Variants in SGCZ observed in about 807,000 individuals in gnomAD.
The protein encoded by SGCZ is sarcoglycan zeta, also known as zeta-sarcoglycan.
Under a neutral mutation model 41.3 loss-of-function variants are expected in SGCZ, and 40 were observed. The ratio of observed to expected loss-of-function variants is 0.97; its 90% confidence interval spans 0.75 to 1.26. The LOEUF (loss-of-function observed/expected upper bound fraction) is 1.26. Ranked by LOEUF, SGCZ falls within the 50% of genes most tolerant of loss-of-function variation. SGCZ has a pLI of 0.00. For missense variants in SGCZ, 552 were observed against 369.8 expected, an observed-to-expected ratio of 1.49 and a Z score of -4.04; for synonymous variants, 206 against 137.5, an observed-to-expected ratio of 1.50 and a Z score of -3.49.
At chr8:15,216,223 C>CTTTTTTTTT (rs34383864) in intron 1 of SGCZ, among the ~76,000 whole-genome samples, 1 of 125,940 alleles carries the variant, frequency 7.9e-6, no homozygotes, top group East Asian at 2.3e-4. Flanking sequence ...CTTTTTTTTT[C>CTTTTTTTTT]TTTTTTTTTT....
At chr8:15,009,021 G>A (rs1485989143) in intron 1 of SGCZ, among the ~76,000 whole-genome samples, 1 of 152,082 alleles carries the variant, frequency 6.6e-6, no homozygotes, top group Non-Finnish European at 1.5e-5. Flanking sequence ...CCTGGCCCAA[G>A]CTATACAATT....
intron 1 of SGCZ, among the ~76,000 whole-genome samples, chr8:15,120,734 T>A (rs888505988): frequency 3.3e-5 from 5 of 152,316 alleles, no homozygotes; most frequent in Middle Eastern, 3.4e-3. Context: ...ATTATCTCTT[T>A]TATTTCTACT....
intron 3 of SGCZ, among the ~76,000 whole-genome samples, chr8:14,265,271 C>T (rs556182062): frequency 2.0e-5 from 3 of 152,166 alleles, no homozygotes; most frequent in Non-Finnish European, 4.4e-5. Context: ...CCGAGAAATA[C>T]ATCAGTTTTA....
At chr8:14,686,216 G>T (rs1437674323) in intron 1 of SGCZ, among the ~76,000 whole-genome samples, 2 of 151,974 alleles carry the variant, frequency 1.3e-5, no homozygotes, top group Admixed American at 6.6e-5. Context: ...AAGTAATTTG[G>T]AATCTTGGCT....
At chr8:14,786,839 T>TAAAA (rs200134491) in intron 1 of SGCZ, among the ~76,000 whole-genome samples, 14 of 99,910 alleles carry the variant, frequency 1.4e-4, no homozygotes, top group African/African-American at 5.0e-4. Flanking sequence ...AAAGCAGGTT[T>TAAAA]AAAAAAAAAA....
intron 1 of SGCZ, among the ~76,000 whole-genome samples, chr8:14,768,083 C>G (rs949813421): frequency 2.6e-5 from 4 of 152,136 alleles, no homozygotes; most frequent in African/African-American, 9.7e-5. Context: ...GCATAGTGCA[C>G]TCTATTAAGC....
intron 1 of SGCZ, among the ~76,000 whole-genome samples, chr8:14,744,348 A>G (rs1369722179): frequency 6.6e-6 from 1 of 152,138 alleles, no homozygotes; most frequent in Non-Finnish European, 1.5e-5. Flanking sequence ...CAACAGGTCT[A>G]TAGGCCAGAA....
At chr8:15,134,837 C>CT (rs976089829) in intron 1 of SGCZ, among the ~76,000 whole-genome samples, 15 of 152,050 alleles carry the variant, frequency 9.9e-5, no homozygotes, top group African/African-American at 3.1e-4. Flanking sequence ...TATGAGTATG[C>CT]TTTTTTTTGA....
At chr8:14,624,965 A>T (rs1336315455) in intron 1 of SGCZ, among the ~76,000 whole-genome samples, 1 of 152,052 alleles carries the variant, frequency 6.6e-6, no homozygotes. Flanking sequence ...TCTTCCTTAG[A>T]TATGGTCATT....
Position 15,219,236 on chromosome 8 carries a change from G to A in SGCZ, c.39+18349C>T, listed in dbSNP as rs143663635. Among the ~76,000 whole-genome samples the A allele has an allele frequency of 4.6e-3, 702 of 152,196 alleles. 2 individuals are homozygous for A. The highest frequency in any genetic ancestry group is 0.016 in the African/African-American group (671 of 41,514). ...TTCAAGTCTCTCAGGGATCATACATGTGGATTACTCTCATGATACTATACT... is the reference window on the plus strand; with the variant it reads ...TTCAAGTCTCTCAGGGATCATACATATGGATTACTCTCATGATACTATACT... On this transcript the variant is annotated intron_variant, in intron 1 of 7. Coordinates refer to ENST00000382080, the MANE Select transcript of SGCZ (RefSeq NM_139167.4).
Position 14,720,924 on chromosome 8 carries a change from A to AT in SGCZ, c.40-165999dup, listed in dbSNP as rs1189382793. The stretch of plus-strand genomic sequence containing the variant: ...CTTCATGGAAACTGTTTTTTTTTTA[A>AT]TTTTTTTTATGATTATAAATGACCC... On this transcript the variant is annotated intron_variant, in intron 1 of 7. Coordinates refer to ENST00000382080, the MANE Select transcript of SGCZ (RefSeq NM_139167.4). Among the ~76,000 whole-genome samples, 29 of 150,464 alleles carry AT rather than the reference A, an allele frequency of 1.9e-4. 1 individual carries two copies. Among genetic ancestry groups the AT allele is most frequent in the South Asian group, 1.5e-3 (7 of 4,712 alleles).
intron 2 of SGCZ, among the ~76,000 whole-genome samples, chr8:14,528,592 G>A (rs1328836650): frequency 1.3e-5 from 2 of 151,850 alleles, no homozygotes; most frequent in Non-Finnish European, 2.9e-5. Context: ...CTTTCTCTGT[G>A]GTTGTCAGTT....
At chr8:14,637,528 G>A (rs955439660) in intron 1 of SGCZ, among the ~76,000 whole-genome samples, 3 of 151,500 alleles carry the variant, frequency 2.0e-5, no homozygotes, top group Non-Finnish European at 4.4e-5. Context: ...ACATCCATAC[G>A]TGCTCAGTGT....
intron 1 of SGCZ, among the ~76,000 whole-genome samples, chr8:14,837,894 C>G (rs1264735571): frequency 6.6e-6 from 1 of 152,094 alleles, no homozygotes; most frequent in Non-Finnish European, 1.5e-5. Flanking sequence ...TCCATCACCT[C>G]AAGCATTTAC....
At chr8:14,426,842 G>A (rs1436719730) in intron 2 of SGCZ, among the ~76,000 whole-genome samples, 1 of 152,100 alleles carries the variant, frequency 6.6e-6, no homozygotes, top group Non-Finnish European at 1.5e-5. Flanking sequence ...TGAAGGGATT[G>A]AATGGATCAA....
intron 1 of SGCZ, among the ~76,000 whole-genome samples, chr8:14,701,495 G>A (rs1481019839): frequency 6.6e-6 from 1 of 151,882 alleles, no homozygotes; most frequent in East Asian, 1.9e-4. Flanking sequence ...CTAAGCAGAT[G>A]GATGTAGACG....
At chr8:14,207,149 C>CTGTTT (rs145175933) in intron 4 of SGCZ, among the ~76,000 whole-genome samples, 1 of 151,246 alleles carries the variant, frequency 6.6e-6, no homozygotes, top group Non-Finnish European at 1.5e-5. Flanking sequence ...GTGATGGTGG[C>CTGTTT]TATTCTTTTT....
chr8:14,459,340 C>T (rs1328213716), intron 2 of SGCZ, among the ~76,000 whole-genome samples: 2 of 151,912 alleles, frequency 1.3e-5, no homozygotes, highest in Non-Finnish European at 2.9e-5. Flanking sequence ...ATGGGTGCAG[C>T]ACACCAACAT....
chr8:15,218,538 A>C (rs948939306), intron 1 of SGCZ, among the ~76,000 whole-genome samples: 2 of 152,202 alleles, frequency 1.3e-5, no homozygotes, highest in Admixed American at 1.3e-4. Flanking sequence ...TCTAACATAC[A>C]TCCATGCAAA....
Sources: allele counts gnomAD v4.1 joint callset (sites outside exome capture counted in the v4.1 genomes callset), GRCh38; gene constraint gnomAD v4.1.1; transcripts MANE v1.5; gene names NCBI Gene and HGNC (gene_info 2026-07-23, HGNC 2026-07-21).